Variants in ADAMTSL1 observed in about 807,000 individuals in gnomAD.
ADAMTSL1 encodes ADAMTS like 1.
In ADAMTSL1, 126 loss-of-function variants were observed where a neutral mutation model predicts 201.8. The ratio of observed to expected loss-of-function variants is 0.62; its 90% CI spans 0.54 to 0.72. The LOEUF (loss-of-function observed/expected upper bound fraction) is 0.72. ADAMTSL1 is among the 30% of genes least tolerant of loss of function. The probability of loss-of-function intolerance (pLI) is 0.00; values close to 1 mark genes in which losing one functional copy is unlikely to be tolerated. For missense variants in ADAMTSL1, 2,679 were observed against 2,277.8 expected (o/e 1.18, Z -3.59); for synonymous variants, 1,121 against 903.4 (o/e 1.24, Z -4.32).
intron 20 of ADAMTSL1, among the ~76,000 whole-genome samples, chr9:18,813,260 G>A (rs535079494): frequency 1.3e-3 from 194 of 152,180 alleles, no homozygotes; most frequent in South Asian, 3.9e-3. Context: ...CACCACACCC[G>A]GCCCCCAACT....
chr9:18,704,139 C>A (rs1178744514), intron 13 of ADAMTSL1, among the ~76,000 whole-genome samples: 1 of 152,078 alleles, frequency 6.6e-6, no homozygotes, highest in East Asian at 1.9e-4. Flanking sequence ...AATCCAGACC[C>A]TTCCATCAGC....
chr9:18,090,050 C>T (rs1823941619), intron 1 of ADAMTSL1, among the ~76,000 whole-genome samples: 1 of 152,072 alleles, frequency 6.6e-6, no homozygotes, highest in Admixed American at 6.6e-5. Flanking sequence ...AGTTTAAATG[C>T]TTGGTATTAA....
At chr9:18,279,524 ACTT>A (rs1181324753) in intron 2 of ADAMTSL1, among the ~76,000 whole-genome samples, 3 of 151,426 alleles carry the variant, frequency 2.0e-5, no homozygotes, top group Non-Finnish European at 4.4e-5. Flanking sequence ...AAAAGCAGGC[ACTT>A]CTTCTATTCT....
chr9:18,575,810 C>T (rs184936656), intron 4 of ADAMTSL1, among the ~76,000 whole-genome samples: 6 of 152,190 alleles, frequency 3.9e-5, no homozygotes, highest in African/African-American at 1.4e-4. Flanking sequence ...TTCCACATCT[C>T]CTGAGATCCC....
chr9:18,574,373 A>G, intron 4 of ADAMTSL1, 107 bp downstream of exon 4: 1 of 1,026,424 alleles, frequency 9.7e-7, no homozygotes, highest in Non-Finnish European at 1.5e-6. Flanking sequence ...TACACTTTTT[A>G]GAGTTTGTAA....
intron 15 of ADAMTSL1, among the ~76,000 whole-genome samples, chr9:18,742,832 TA>T (rs1455457442): frequency 2.0e-5 from 3 of 152,152 alleles, no homozygotes; most frequent in Non-Finnish European, 4.4e-5. Context: ...CAAACTGCAA[TA>T]AAACCCAAAA....
chr9:18,422,388 C>A (rs1818996742), intron 2 of ADAMTSL1, among the ~76,000 whole-genome samples: 2 of 152,178 alleles, frequency 1.3e-5, no homozygotes, highest in African/African-American at 4.8e-5. Context: ...AATACATTGA[C>A]TTCTCTCTGA....
chr9:18,604,267 G>A (rs1027237247), intron 4 of ADAMTSL1, among the ~76,000 whole-genome samples: 1 of 152,208 alleles, frequency 6.6e-6, no homozygotes, highest in African/African-American at 2.4e-5. Flanking sequence ...CAATTACATA[G>A]GGTAGGGCTT....
intron 2 of ADAMTSL1, among the ~76,000 whole-genome samples, chr9:18,242,313 C>T (rs923192872): frequency 6.6e-6 from 1 of 152,048 alleles, no homozygotes; most frequent in African/African-American, 2.4e-5. Context: ...GTCAAAAATC[C>T]TTTCTTAATA....
intron 1 of ADAMTSL1, among the ~76,000 whole-genome samples, chr9:18,492,358 G>A (rs1822309581): frequency 6.6e-6 from 1 of 152,102 alleles, no homozygotes; most frequent in East Asian, 1.9e-4. Context: ...GTTTTTCAAA[G>A]TATTAAAGAG....
intron 2 of ADAMTSL1, among the ~76,000 whole-genome samples, chr9:18,336,501 T>C (rs142179195): frequency 2.3e-4 from 35 of 152,256 alleles, no homozygotes; most frequent in African/African-American, 7.7e-4. Context: ...ATGTTGAAGA[T>C]AACAATCTGC....
chr9:18,048,513 G>T (rs576812404), intron 1 of ADAMTSL1, among the ~76,000 whole-genome samples: 1 of 152,058 alleles, frequency 6.6e-6, no homozygotes, highest in Non-Finnish European at 1.5e-5. Context: ...AAGATGTAAC[G>T]TTCACATATT....
At chr9:18,266,914 T>A (rs1057171630) in intron 2 of ADAMTSL1, among the ~76,000 whole-genome samples, 2 of 152,012 alleles carry the variant, frequency 1.3e-5, no homozygotes, top group African/African-American at 4.8e-5. Context: ...ACTTCTCGAG[T>A]CCTTCCTGTT....
intron 2 of ADAMTSL1, among the ~76,000 whole-genome samples, chr9:18,178,366 G>A (rs182311990): frequency 0.033 from 4,884 of 150,012 alleles, 103 homozygotes; most frequent in Non-Finnish European, 0.048. Context: ...CACCTGGCTC[G>A]GAGGGTCCTA....
chr9:18,071,289 CAGA>C (rs1822952052), intron 1 of ADAMTSL1, among the ~76,000 whole-genome samples: 1 of 152,128 alleles, frequency 6.6e-6, no homozygotes, highest in African/African-American at 2.4e-5. Flanking sequence ...TTGGTCACTT[CAGA>C]GCATATCTAT....
chr9:18,882,265 A>C (rs1828579358), intron 23 of ADAMTSL1, among the ~76,000 whole-genome samples: 2 of 152,146 alleles, frequency 1.3e-5, no homozygotes, highest in African/African-American at 2.4e-5. Context: ...TTACCGACTA[A>C]AATCTCATCA....
At chr9:18,397,205 T>C (rs1261799987) in intron 2 of ADAMTSL1, among the ~76,000 whole-genome samples, 16 of 152,184 alleles carry the variant, frequency 1.1e-4, no homozygotes. Flanking sequence ...AATGATTTTC[T>C]AATAGTCTAT....
chr9:18,114,879 C>A (rs924447105), intron 1 of ADAMTSL1, among the ~76,000 whole-genome samples: 1 of 152,068 alleles, frequency 6.6e-6, no homozygotes, highest in African/African-American at 2.4e-5. Flanking sequence ...AAGGTGGAGA[C>A]AATTCTTTCT....
At chr9:18,893,562 C>A (rs982499605) in intron 26 of ADAMTSL1, among the ~76,000 whole-genome samples, 2 of 152,148 alleles carry the variant, frequency 1.3e-5, no homozygotes, top group Admixed American at 1.3e-4. Context: ...TGAGGTAGAA[C>A]TGGGGATGCT....
Sources: allele counts gnomAD v4.1 joint callset (sites outside exome capture counted in the v4.1 genomes callset), GRCh38; gene constraint gnomAD v4.1.1; transcripts MANE v1.5; gene names NCBI Gene and HGNC (gene_info 2026-07-23, HGNC 2026-07-21).